SEMA4D: variants seen among roughly 807,000 people sequenced by gnomAD.
SEMA4D encodes the protein semaphorin-4D.
In SEMA4D, 22 loss-of-function variants were observed where a neutral mutation model predicts 74.8. The ratio of observed to expected loss-of-function variants is 0.29; its 90% CI spans 0.21 to 0.42. The LOEUF (loss-of-function observed/expected upper bound fraction) is 0.42. Ranked by LOEUF, SEMA4D falls within the 10% of genes least tolerant of loss-of-function variation. SEMA4D has a pLI of 1.00. For missense variants in SEMA4D, 937 were observed against 1,118.4 expected (o/e 0.84, Z 2.31); for synonymous variants, 445 against 463.7 (o/e 0.96, Z 0.52).
intron 1 of SEMA4D, among the ~76,000 whole-genome samples, chr9:89,474,298 A>T (rs1212465100): frequency 6.6e-6 from 1 of 152,230 alleles, no homozygotes; most frequent in Non-Finnish European, 1.5e-5. Flanking sequence ...AGCCATAATT[A>T]ACCTTCGCTT....
intron 2 of SEMA4D, among the ~76,000 whole-genome samples, chr9:89,440,346 G>A (rs1052119132): frequency 3.3e-5 from 5 of 152,136 alleles, no homozygotes; most frequent in African/African-American, 1.2e-4. Context: ...AGCTACATGA[G>A]TATCTCGAAA....
intron 4 of SEMA4D, among the ~76,000 whole-genome samples, chr9:89,401,578 T>G (rs1842220717): frequency 6.6e-6 from 1 of 152,180 alleles, no homozygotes; most frequent in Non-Finnish European, 1.5e-5. Flanking sequence ...TGCGACGATT[T>G]GAGCATGAGG....
At chr9:89,455,772 C>T (rs1182434138) in intron 2 of SEMA4D, 116 bp downstream of exon 2, 1 of 152,336 alleles carries the variant, frequency 6.6e-6, no homozygotes, top group African/African-American at 2.4e-5. Context: ...GCAGGTCACA[C>T]AGTGAATGGG....
intron 2 of SEMA4D, among the ~76,000 whole-genome samples, chr9:89,419,925 C>T (rs1204493492): frequency 6.6e-6 from 1 of 151,890 alleles, no homozygotes; most frequent in African/African-American, 2.4e-5. Context: ...TCAAAAAAAA[C>T]AAAAAAACAC....
At chr9:89,480,320 C>T (rs1490496405) in intron 1 of SEMA4D, among the ~76,000 whole-genome samples, 1 of 152,268 alleles carries the variant, frequency 6.6e-6, no homozygotes, top group Non-Finnish European at 1.5e-5. Flanking sequence ...AGACTCTCCA[C>T]GTCCCCACCA....
intron 2 of SEMA4D, chr9:89,450,152 A>C (rs1206441903): frequency 7.8e-7 from 1 of 1,280,724 alleles, no homozygotes; most frequent in East Asian, 2.3e-5. Context: ...TCGATGGAGA[A>C]AAAACCATTA....
intron 2 of SEMA4D, among the ~76,000 whole-genome samples, chr9:89,428,937 C>T (rs549469902): frequency 6.6e-6 from 1 of 152,384 alleles, no homozygotes; most frequent in Admixed American, 6.5e-5. Flanking sequence ...AACCACACCA[C>T]TGCAGGCTCC....
rs62638726 is a variant in SEMA4D, at chr9:89,379,186, G to A, written c.2107C>T (p.Pro703Ser). 95,689 of 1,613,992 alleles carry A rather than the reference G, an allele frequency of 0.059. 3,229 individuals are homozygous for A. Among genetic ancestry groups the A allele is most frequent in the South Asian group, 0.098 (8,953 of 91,062 alleles). Reference sequence around the variant, plus strand: ...TTTGGTTCGCAGGATGTGCCGGTGGGCGCAGGCTTGGGAGGAAGGGTGATG... The same window carrying A: ...TTTGGTTCGCAGGATGTGCCGGTGGACGCAGGCTTGGGAGGAAGGGTGATG... The part of the protein sequence containing the change: ...GAITLPPKPA[P>S]TGTSCEPKIV... Residue 703 changes from proline to serine, a missense_variant, in exon 16 of 16, where the codon CCC becomes TCC. Coordinates refer to ENST00000422704, the MANE Select transcript of SEMA4D (RefSeq NM_001371194.2).
intron 2 of SEMA4D, chr9:89,449,905 G>C (rs1173099191): frequency 5.2e-5 from 75 of 1,438,716 alleles, no homozygotes; most frequent in Non-Finnish European, 1.1e-5. Flanking sequence ...CATGTGAATG[G>C]CTTCATCACT....
chr9:89,424,338 G>A (rs1346130885), intron 2 of SEMA4D, among the ~76,000 whole-genome samples: 10 of 152,162 alleles, frequency 6.6e-5, no homozygotes, highest in Non-Finnish European at 1.5e-4. Context: ...CCACAGAAAC[G>A]AGCAGTGCAG....
intron 2 of SEMA4D, among the ~76,000 whole-genome samples, chr9:89,417,754 C>T (rs1057169976): frequency 6.6e-6 from 1 of 152,166 alleles, no homozygotes; most frequent in Admixed American, 6.5e-5. Context: ...GGCCATCAGC[C>T]GCGGAGCTGC....
intron 2 of SEMA4D, chr9:89,450,503 T>C: frequency 1.5e-6 from 2 of 1,308,110 alleles, no homozygotes; most frequent in South Asian, 1.2e-5. Flanking sequence ...AGGGTGAATT[T>C]GTTGCCCAGT....
intron 6 of SEMA4D, among the ~76,000 whole-genome samples, chr9:89,394,568 G>A (rs1840518958): frequency 6.6e-6 from 1 of 152,246 alleles, no homozygotes; most frequent in African/African-American, 2.4e-5. Context: ...GCAGCCAACA[G>A]CCTGGGCATG....
chr9:89,390,009 G>A (rs1156419910), intron 9 of SEMA4D, among the ~76,000 whole-genome samples: 1 of 152,152 alleles, frequency 6.6e-6, no homozygotes, highest in Non-Finnish European at 1.5e-5. Flanking sequence ...GGAAAAAAAA[G>A]GGATCAGAGG....
intron 1 of SEMA4D, among the ~76,000 whole-genome samples, chr9:89,485,996 C>A (rs1018861997): frequency 6.6e-6 from 1 of 152,116 alleles, no homozygotes; most frequent in African/African-American, 2.4e-5. Context: ...CTGACCCAGT[C>A]TTACAGGACT....
rs1843119420 is a variant in SEMA4D, at chr9:89,405,346, C to T, written c.106+5G>A. 3.7e-6 allele frequency: 6 copies of T among 1,612,718 alleles called. No homozygotes were observed. The highest frequency in any genetic ancestry group is 5.1e-6 in the Non-Finnish European group (6 of 1,178,780). ...ATCAGCACCCCTGCAGGTTTCGTCA[C>T]TCACCTCTGTGCTCCCAGGTGATCC... On this transcript the variant is annotated splice_donor_5th_base_variant and intron_variant, in intron 3 of 15. Transcript: ENST00000422704.
exon 19 of SEMA4D, chr9:89,361,503 G>A (rs1832761313): frequency 6.6e-6 from 1 of 152,150 alleles, no homozygotes; most frequent in Admixed American, 6.5e-5. Flanking sequence ...AGTAGCTTTA[G>A]GACAAGTTCA....
intron 2 of SEMA4D, chr9:89,418,056 C>T (rs1174865255): frequency 1.0e-6 from 1 of 981,414 alleles, no homozygotes; most frequent in Non-Finnish European, 1.2e-6. Flanking sequence ...GTGGTTTTAC[C>T]TGTATCTTAT....
chr9:89,364,159 G>C (rs77132503), intron 16 of SEMA4D: 24,136 of 1,005,072 alleles, frequency 0.024, 384 homozygotes, highest in Non-Finnish European at 0.029. Flanking sequence ...TGGACTTCCT[G>C]CTCTTTGACC....
Sources: allele counts gnomAD v4.1 joint callset (sites outside exome capture counted in the v4.1 genomes callset), GRCh38; gene constraint gnomAD v4.1.1; transcripts MANE v1.5; gene names NCBI Gene and HGNC (gene_info 2026-07-23, HGNC 2026-07-21).